The following HS6ST2 variants were observed in gnomAD, a reference collection of about 807,000 sequenced individuals.
HS6ST2 encodes heparan-sulfate 6-O-sulfotransferase 2.
HS6ST2 carries 17 observed loss-of-function variants against 33.0 expected under a neutral mutation model. The observed-to-expected ratio is 0.52, with a 90% CI of 0.35 to 0.77. HS6ST2 has a LOEUF of 0.77. Ranked by LOEUF, HS6ST2 falls within the 30% of genes least tolerant of loss-of-function variation. HS6ST2 has a pLI of 0.01. For missense variants in HS6ST2, 519 were observed against 551.7 expected (o/e 0.94, Z 0.59); for synonymous variants, 248 against 237.1 (o/e 1.05, Z -0.42).
intron 2 of HS6ST2, among the ~76,000 whole-genome samples, chrX:132,785,977 G>T (rs2148336063): frequency 9.0e-6 from 1 of 111,382 alleles, no homozygotes; most frequent in East Asian, 2.8e-4. Flanking sequence ...TATACCCAAG[G>T]TCTACAGCAC....
At chrX:132,763,965 T>G (rs1472674268) in intron 2 of HS6ST2, among the ~76,000 whole-genome samples, 4 of 112,625 alleles carry the variant, frequency 3.6e-5, no homozygotes, top group Non-Finnish European at 7.5e-5. Context: ...CAAGAACAAA[T>G]GTCACTTGGA....
At chrX:132,750,347 GA>G (rs1156312851) in intron 2 of HS6ST2, among the ~76,000 whole-genome samples, 812 of 56,371 alleles carry the variant, frequency 0.014, 5 homozygotes, top group Non-Finnish European at 0.018. Context: ...TGCCCATCAA[GA>G]AAAAAAAAAA....
At chrX:132,853,533 G>A (rs1351327805) in intron 2 of HS6ST2, among the ~76,000 whole-genome samples, 1 of 110,544 alleles carries the variant, frequency 9.0e-6, no homozygotes, top group African/African-American at 3.3e-5. Context: ...AAATGAGACA[G>A]GATACTCCCC....
chrX:132,866,122 T>G (rs888435570), intron 2 of HS6ST2, among the ~76,000 whole-genome samples: 6 of 110,619 alleles, frequency 5.4e-5, no homozygotes, highest in African/African-American at 1.3e-4. Context: ...GGTCTAACGT[T>G]TAAGTCTTTA....
At chrX:132,651,486 C>T (rs753306321) in intron 4 of HS6ST2, among the ~76,000 whole-genome samples, 3 of 112,037 alleles carry the variant, frequency 2.7e-5, no homozygotes, top group South Asian at 7.5e-4. Flanking sequence ...AGAAATAGTT[C>T]TTAAATACTC....
intron 2 of HS6ST2, among the ~76,000 whole-genome samples, chrX:132,734,440 CCAAGA>C (rs2064488965): frequency 9.0e-6 from 1 of 111,128 alleles, no homozygotes; most frequent in Non-Finnish European, 1.9e-5. Flanking sequence ...ATCAATCAAG[CCAAGA>C]CAAGATAGCA....
chrX:132,805,490 T>C (rs779073652), intron 2 of HS6ST2, among the ~76,000 whole-genome samples: 1 of 104,321 alleles, frequency 9.6e-6, no homozygotes, highest in African/African-American at 3.3e-5. Flanking sequence ...GCAGCTTTCC[T>C]AGCCTCTTCC....
chrX:132,691,505 A>G (rs1274273996), intron 3 of HS6ST2, among the ~76,000 whole-genome samples: 1 of 112,006 alleles, frequency 8.9e-6, no homozygotes, highest in Non-Finnish European at 1.9e-5. Flanking sequence ...CTTCCCCAAA[A>G]CAAAGTTTAG....
rs1477787957 is a variant in HS6ST2, at chrX:132,626,893, A to G, written c.*1330T>C. 8.9e-6 allele frequency: 1 copy of G among 112,203 alleles called. No homozygotes were observed. Among genetic ancestry groups the G allele is most frequent in the African/African-American group, 3.2e-5 (1 of 30,936 alleles). 9.2% of individuals were successfully genotyped at this position (112,203 alleles called of 1,213,427 possible). ...ACTACCAAATTACTCTGCTCAACTC[A>G]TATGTTCCTGATATGTAACCTCACT... On this transcript the variant is annotated 3_prime_UTR_variant, in exon 5 of 5. Coordinates refer to ENST00000370833, the MANE Select transcript of HS6ST2 (RefSeq NM_001394073.1).
intron 3 of HS6ST2, among the ~76,000 whole-genome samples, chrX:132,688,792 C>A (rs752092557): frequency 8.9e-6 from 1 of 111,813 alleles, no homozygotes; most frequent in Non-Finnish European, 1.9e-5. Context: ...GACAGTGATG[C>A]AAATCTGAAG....
chrX:132,930,037 C>T, intron 2 of HS6ST2, among the ~76,000 whole-genome samples: 1 of 111,928 alleles, frequency 8.9e-6, no homozygotes, highest in East Asian at 2.8e-4. Context: ...ACTCTCTTCC[C>T]TTTCCCAGAG....
At chrX:132,796,287 C>T (rs1252747936) in intron 2 of HS6ST2, among the ~76,000 whole-genome samples, 1 of 111,669 alleles carries the variant, frequency 9.0e-6, no homozygotes, top group Non-Finnish European at 1.9e-5. Context: ...TATGAAAGCT[C>T]GTTAACTATG....
intron 4 of HS6ST2, among the ~76,000 whole-genome samples, chrX:132,650,393 G>T (rs2063680742): frequency 9.0e-6 from 1 of 111,681 alleles, no homozygotes; most frequent in Non-Finnish European, 1.9e-5. Context: ...CTGTGCAGGA[G>T]AACAGTGATA....
At chrX:132,709,102 C>G (rs1201202605) in intron 2 of HS6ST2, among the ~76,000 whole-genome samples, 2 of 112,088 alleles carry the variant, frequency 1.8e-5, no homozygotes, top group African/African-American at 6.5e-5. Flanking sequence ...CAATGTCTCC[C>G]CATTCAAAAA....
intron 2 of HS6ST2, among the ~76,000 whole-genome samples, chrX:132,746,351 A>C (rs1219133306): frequency 9.1e-6 from 1 of 110,469 alleles, no homozygotes; most frequent in Non-Finnish European, 1.9e-5. Context: ...AAATACAAAA[A>C]AATTAGCCGG....
intron 2 of HS6ST2, among the ~76,000 whole-genome samples, chrX:132,769,433 C>G (rs1490595584): frequency 1.8e-5 from 2 of 112,024 alleles, no homozygotes; most frequent in African/African-American, 6.5e-5. Flanking sequence ...CAGCACACAT[C>G]ACCGAAATAG....
intron 4 of HS6ST2, among the ~76,000 whole-genome samples, chrX:132,646,487 T>C (rs1169926598): frequency 1.0e-5 from 1 of 99,003 alleles, no homozygotes; most frequent in Non-Finnish European, 2.0e-5. Context: ...TGAGCCATGA[T>C]AGCAGCTCTG....
chrX:132,951,544 A>G (rs1175023005), intron 2 of HS6ST2, among the ~76,000 whole-genome samples: 6 of 111,678 alleles, frequency 5.4e-5, no homozygotes, highest in Admixed American at 3.8e-4. Context: ...TAAATCTCCA[A>G]TTTTATAGAT....
chrX:132,780,129 A>T (rs2148330755), intron 2 of HS6ST2, among the ~76,000 whole-genome samples: 1 of 111,258 alleles, frequency 9.0e-6, no homozygotes, highest in African/African-American at 3.3e-5. Context: ...TGATTTGCAC[A>T]GGAGCCAAGC....
Sources: allele counts gnomAD v4.1 joint callset (sites outside exome capture counted in the v4.1 genomes callset), GRCh38; gene constraint gnomAD v4.1.1; transcripts MANE v1.5; gene names NCBI Gene and HGNC (gene_info 2026-07-23, HGNC 2026-07-21).